The following ADIPOR2 variants were observed in gnomAD, a reference collection of about 807,000 sequenced individuals.
The protein encoded by ADIPOR2 is adiponectin receptor 2.
In ADIPOR2, 18 loss-of-function variants were observed where a neutral mutation model predicts 40.9. The observed-to-expected ratio is 0.44, with a 90% CI of 0.30 to 0.65. The LOEUF is 0.65. Among genes scored for constraint, ADIPOR2 ranks in the 30% least tolerant of loss-of-function variants. The pLI is 0.09. For synonymous variants in ADIPOR2, 165 were observed against 166.4 expected (o/e 0.99, Z 0.06); for missense variants, 283 against 479.2 (o/e 0.59, Z 3.82).
intron 1 of ADIPOR2, among the ~76,000 whole-genome samples, chr12:1,745,434 T>G (rs1052393734): frequency 6.6e-6 from 1 of 152,198 alleles, no homozygotes; most frequent in Non-Finnish European, 1.5e-5. Flanking sequence ...TTAAATTTTT[T>G]TGTTAGATTT....
At chr12:1,696,556 T>A (rs890184187) in intron 1 of ADIPOR2, 1 of 152,304 alleles carries the variant, frequency 6.6e-6, no homozygotes, top group African/African-American at 2.4e-5. Flanking sequence ...CCACCATGCC[T>A]GGCTAATGTT....
chr12:1,720,574 A>G (rs991063401), intron 1 of ADIPOR2, among the ~76,000 whole-genome samples: 7 of 152,142 alleles, frequency 4.6e-5, no homozygotes, highest in Non-Finnish European at 4.4e-5. Flanking sequence ...GGAGCGTGCA[A>G]CCTAGATCAC....
At chr12:1,691,417 G>T (rs2094626596) in intron 1 of ADIPOR2, among the ~76,000 whole-genome samples, 1 of 152,154 alleles carries the variant, frequency 6.6e-6, no homozygotes, top group Non-Finnish European at 1.5e-5. Flanking sequence ...ACCTGGAGCC[G>T]CCCTCCTTGC....
intron 1 of ADIPOR2, among the ~76,000 whole-genome samples, chr12:1,725,583 C>T (rs1206104296): frequency 1.3e-5 from 2 of 152,098 alleles, no homozygotes; most frequent in Non-Finnish European, 2.9e-5. Flanking sequence ...ACTATAAAGT[C>T]GCAGTTTCAA....
chr12:1,770,022 A>T (rs1349224667), intron 2 of ADIPOR2, among the ~76,000 whole-genome samples: 1 of 151,604 alleles, frequency 6.6e-6, no homozygotes, highest in East Asian at 1.9e-4. Flanking sequence ...GGGCTCAAGG[A>T]GTCCTCCCCC....
chr12:1,734,059 C>T (rs1055434904), intron 1 of ADIPOR2, among the ~76,000 whole-genome samples: 12 of 152,042 alleles, frequency 7.9e-5, no homozygotes, highest in African/African-American at 1.7e-4. Flanking sequence ...AATAGAGTGC[C>T]GCAATAAACA....
At chr12:1,784,225 T>A in intron 7 of ADIPOR2, 152 bp downstream of exon 7, 1 of 870,018 alleles carries the variant, frequency 1.1e-6, no homozygotes, top group Non-Finnish European at 1.7e-6. Context: ...GGACAATAAG[T>A]ACAATAATAA....
intron 1 of ADIPOR2, among the ~76,000 whole-genome samples, chr12:1,731,290 C>A (rs2094719730): frequency 6.6e-6 from 1 of 152,160 alleles, no homozygotes; most frequent in Non-Finnish European, 1.5e-5. Context: ...CCCGCTTCAG[C>A]CTCCCAAAGT....
intron 1 of ADIPOR2, among the ~76,000 whole-genome samples, chr12:1,692,419 C>T (rs1023115564): frequency 1.3e-5 from 2 of 152,172 alleles, no homozygotes; most frequent in Non-Finnish European, 2.9e-5. Flanking sequence ...AAAATTATTT[C>T]ATCAGTAAAG....
At position 1,786,047 on chromosome 12, in the gene ADIPOR2, G is replaced by A; in HGVS notation, c.1136G>A (p.Gly379Asp). ...LQEFRFMIGG[G>D]CSEEDAL The stretch of plus-strand genomic sequence containing the variant: ...GAGTTTCGTTTCATGATCGGCGGGG[G>A]CTGCAGTGAAGAGGATGCACTGTGA... Residue 379 changes from glycine (G) to aspartate (D), a missense_variant, in exon 8 of 8, where the codon GGC becomes GAC. Coordinates refer to ENST00000357103, the MANE Select transcript of ADIPOR2 (RefSeq NM_024551.3). 1.9e-6 allele frequency: 3 copies of A among 1,614,032 alleles called. No homozygotes were observed. Among genetic ancestry groups the A allele is most frequent in the Non-Finnish European group, 1.7e-6 (2 of 1,180,014 alleles).
intron 1 of ADIPOR2, among the ~76,000 whole-genome samples, chr12:1,737,037 T>C (rs988203733): frequency 6.6e-6 from 1 of 152,218 alleles, no homozygotes; most frequent in African/African-American, 2.4e-5. Flanking sequence ...TTTCTTCCAC[T>C]TACCAGCCAT....
intron 2 of ADIPOR2, among the ~76,000 whole-genome samples, chr12:1,755,683 C>T (rs897324363): frequency 1.3e-5 from 2 of 152,186 alleles, no homozygotes; most frequent in African/African-American, 4.8e-5. Flanking sequence ...TTGTTACAGA[C>T]ATTTTGCTAT....
At chr12:1,742,984 G>T (rs1167163097) in intron 1 of ADIPOR2, among the ~76,000 whole-genome samples, 1 of 152,080 alleles carries the variant, frequency 6.6e-6, no homozygotes, top group Non-Finnish European at 1.5e-5. Context: ...GTTGGGAGTT[G>T]CTGGGTTTAG....
chr12:1,752,587 T>G (rs999942343), intron 1 of ADIPOR2, among the ~76,000 whole-genome samples: 2 of 152,166 alleles, frequency 1.3e-5, no homozygotes, highest in African/African-American at 4.8e-5. Context: ...CTTCATGAGG[T>G]TCAGAAACTG....
intron 1 of ADIPOR2, among the ~76,000 whole-genome samples, chr12:1,738,383 A>G (rs1367183278): frequency 6.6e-6 from 1 of 152,076 alleles, no homozygotes; most frequent in African/African-American, 2.4e-5. Flanking sequence ...CCTTGTCTCA[A>G]AAAAAATTTT....
rs886895830 is a variant in ADIPOR2, at chr12:1,700,903, A to G, written c.-87+9712A>G. 5.9e-5 allele frequency among the ~76,000 whole-genome samples: 9 copies of G among 152,114 alleles called. No homozygotes were observed. In the East Asian group the frequency reaches 1.7e-3, roughly 29 times the overall value. On this transcript the variant is annotated intron_variant, in intron 1 of 7. Transcript: ENST00000357103. ...CTGCAGATGTATGTTTTATTTGGCCAATATATGTTTTTTTTCCTTAAAATA... is the reference window on the plus strand; with the variant it reads ...CTGCAGATGTATGTTTTATTTGGCCGATATATGTTTTTTTTCCTTAAAATA...
intron 1 of ADIPOR2, among the ~76,000 whole-genome samples, chr12:1,701,748 T>C (rs1442139106): frequency 2.6e-5 from 4 of 152,242 alleles, no homozygotes; most frequent in Non-Finnish European, 5.9e-5. Flanking sequence ...GGTTTTCATG[T>C]ATTAAAAATA....
chr12:1,736,150 A>G (rs906450256), intron 1 of ADIPOR2, among the ~76,000 whole-genome samples: 7 of 152,070 alleles, frequency 4.6e-5, no homozygotes, highest in African/African-American at 1.4e-4. Context: ...TATTGATTGG[A>G]ATAGTTTCAG....
At chr12:1,741,368 G>A (rs569787564) in intron 1 of ADIPOR2, among the ~76,000 whole-genome samples, 2 of 152,108 alleles carry the variant, frequency 1.3e-5, no homozygotes, top group East Asian at 3.9e-4. Context: ...AAAAAGAAAG[G>A]GAAATAATTT....
Sources: gnomAD v4.1 joint callset for allele counts (sites outside exome capture counted in the v4.1 genomes callset) on GRCh38, gnomAD v4.1.1 for gene constraint, MANE v1.5 for transcripts, NCBI Gene and HGNC (gene_info 2026-07-23, HGNC 2026-07-21) for gene names.